The following AKAP9 variants were observed in gnomAD, a reference collection of about 807,000 sequenced individuals.
The protein encoded by AKAP9 is A-kinase anchor protein 9.
In AKAP9, 311 loss-of-function variants were observed where a neutral mutation model predicts 488.5. The observed-to-expected ratio is 0.64, with a 90% CI of 0.58 to 0.70. The LOEUF (loss-of-function observed/expected upper bound fraction) is 0.70, where lower values mean the gene tolerates loss of function less well. Among genes scored for constraint, AKAP9 ranks in the 30% least tolerant of loss-of-function variants. The pLI, the probability that AKAP9 is intolerant of heterozygous loss-of-function variation, is 0.00. For missense variants in AKAP9, 4,215 were observed against 4,374.5 expected, an observed-to-expected ratio of 0.96 and a Z score of 1.03; for synonymous variants, 1,462 against 1,483.5, an observed-to-expected ratio of 0.99 and a Z score of 0.33.
chr7:92,097,307 C>T lies in AKAP9; in HGVS notation c.10348C>T (p.Arg3450Ter), dbSNP rs770593631. 4 of 1,613,696 alleles carry T rather than the reference C, an allele frequency of 2.5e-6. No homozygotes were observed. The highest frequency in any genetic ancestry group is 3.4e-6 in the Non-Finnish European group (4 of 1,179,966). ...GGAATTCCAGAAGCAAGAACTAGAA[C>T]GAGAAGAAAAACGAGAAAGTAGAAG... ...MQEFQKQELEREEKRESRRIL... is the reference protein window; with the variant it reads ...MQEFQKQELE Residue 3450 changes from arginine (R) to a stop codon, truncating the protein, a stop_gained, in exon 41 of 50, where the codon CGA becomes TGA. Transcript: ENST00000356239. LOFTEE classifies it high-confidence loss of function.
intron 3 of AKAP9, among the ~76,000 whole-genome samples, chr7:91,991,472 C>CTT (rs766603127): frequency 2.7e-4 from 37 of 135,888 alleles, no homozygotes; most frequent in African/African-American, 6.5e-4. Context: ...GGGAAGAACT[C>CTT]TTTTTTTTTT....
chr7:92,107,589 C>T, intron 48 of AKAP9, 167 bp downstream of exon 48: 1 of 669,360 alleles, frequency 1.5e-6, no homozygotes, highest in Non-Finnish European at 2.5e-6. Flanking sequence ...ATAATCCCAG[C>T]ACTTTGGGAG....
chr7:92,013,873 AT>A (rs147736652), intron 9 of AKAP9, among the ~76,000 whole-genome samples: 58,140 of 149,214 alleles, frequency 0.39, 11,553 homozygotes, highest in African/African-American at 0.45. Flanking sequence ...AATGATCAAC[AT>A]TTTTAAAAAA....
At position 92,083,639 on chromosome 7, in the gene AKAP9, G is replaced by A; in HGVS notation, c.8630G>A (p.Cys2877Tyr). The change falls in exon 33 of 50, where the codon TGT becomes TAT. Residue 2877 changes from cysteine to tyrosine, a missense_variant. Coordinates refer to ENST00000356239, the MANE Select transcript of AKAP9 (RefSeq NM_005751.5). ...ECGTLKAVIQ[C>Y]LRSKEGSSIP... The stretch of plus-strand genomic sequence containing the variant: ...GGTACCTTGAAGGCAGTGATACAGT[G>A]TCTGAGAAGTAAAGAGGTATTTGGT... 6.2e-7 allele frequency: 1 copy of A among 1,611,470 alleles called. No individual in the cohort carries two copies. The highest frequency in any genetic ancestry group is 8.5e-7 in the Non-Finnish European group (1 of 1,179,408).
At chr7:91,993,711 G>C (rs1036538567) in intron 5 of AKAP9, among the ~76,000 whole-genome samples, 5 of 152,170 alleles carry the variant, frequency 3.3e-5, no homozygotes, top group African/African-American at 1.2e-4. Context: ...ATATAACACA[G>C]ACTCTTTTTT....
chr7:92,031,828 T>C (rs776833622), intron 16 of AKAP9, among the ~76,000 whole-genome samples: 1 of 152,240 alleles, frequency 6.6e-6, no homozygotes, highest in Non-Finnish European at 1.5e-5. Context: ...TTAGAAGCTT[T>C]TCAGAATGCC....
At chr7:92,020,330 A>G (rs912459099) in intron 12 of AKAP9, among the ~76,000 whole-genome samples, 1 of 152,128 alleles carries the variant, frequency 6.6e-6, no homozygotes, top group Non-Finnish European at 1.5e-5. Flanking sequence ...CCCTTTCTGC[A>G]TAATACTGCC....
At chr7:91,987,428 A>C (rs1797240962) in intron 3 of AKAP9, among the ~76,000 whole-genome samples, 1 of 152,134 alleles carries the variant, frequency 6.6e-6, no homozygotes, top group African/African-American at 2.4e-5. Context: ...TCGAAAAAAA[A>C]AAAGAAGAAA....
At position 92,038,630 on chromosome 7, in the gene AKAP9, T is replaced by G; in HGVS notation, c.4550T>G (p.Leu1517Arg). 6.2e-7 allele frequency: 1 copy of G among 1,613,582 alleles called. No individual in the cohort carries two copies. The highest frequency in any genetic ancestry group is 8.5e-7 in the Non-Finnish European group (1 of 1,179,770). The change falls in exon 17 of 50, where the codon CTT becomes CGT. Residue 1517 changes from leucine (L) to arginine (R), a missense_variant. Around this residue, in one of 5 missense-constraint regions of AKAP9, gnomAD observed 2,361 missense variants for 2,430.0 expected, o/e 0.97. Transcript: ENST00000356239. ...DVKFKEEFKP[L>R]SKELGEHGKE... is the part of the protein sequence containing the mutation. ...AAATTTAAAGAAGAATTTAAACCAC[T>G]TAGTAAAGAGTTAGGAGAACATGGA...
intron 1 of AKAP9, among the ~76,000 whole-genome samples, chr7:91,959,839 C>T (rs1793512873): frequency 6.6e-6 from 1 of 152,154 alleles, no homozygotes; most frequent in Non-Finnish European, 1.5e-5. Context: ...GCCTGTTTGG[C>T]ACTGTTATTT....
chr7:91,951,176 A>C (rs415), intron 1 of AKAP9, among the ~76,000 whole-genome samples: 1 of 151,678 alleles, frequency 6.6e-6, no homozygotes, highest in Admixed American at 6.6e-5. Context: ...AATTTTAATA[A>C]GCCTCAGAAT....
intron 4 of AKAP9, among the ~76,000 whole-genome samples, chr7:91,992,650 C>G (rs1232849403): frequency 3.2e-5 from 3 of 94,712 alleles, no homozygotes; most frequent in African/African-American, 4.4e-5. Context: ...GGTGACAGAG[C>G]AAGACTCTGT....
chr7:92,108,431 G>T, intron 48 of AKAP9, 63 bp from the exon 49 acceptor site: 2 of 1,569,726 alleles, frequency 1.3e-6, no homozygotes, highest in South Asian at 1.1e-5. Context: ...GTGGAGGCAG[G>T]TTGGTAACTT....
At chr7:91,989,881 A>G (rs1256945546) in intron 3 of AKAP9, among the ~76,000 whole-genome samples, 1 of 152,044 alleles carries the variant, frequency 6.6e-6, no homozygotes. Context: ...TATTTCATCA[A>G]CCTAATGTTC....
At chr7:92,101,431 C>A (rs971876159) in intron 45 of AKAP9, among the ~76,000 whole-genome samples, 3 of 125,554 alleles carry the variant, frequency 2.4e-5, no homozygotes, top group Non-Finnish European at 3.3e-5. Flanking sequence ...AGTGAGACTC[C>A]GTCTCAAAAA....
At chr7:92,036,170 A>G (rs1004241535) in intron 16 of AKAP9, among the ~76,000 whole-genome samples, 3 of 152,100 alleles carry the variant, frequency 2.0e-5, no homozygotes, top group Non-Finnish European at 2.9e-5. Flanking sequence ...TGAAGGTAAC[A>G]TTCCAGTGTT....
chr7:92,057,261 T>C (rs913069116), intron 22 of AKAP9, among the ~76,000 whole-genome samples: 6 of 152,130 alleles, frequency 3.9e-5, no homozygotes, highest in African/African-American at 1.4e-4. Context: ...AAGTTTTAAT[T>C]TTCCAGAAAT....
rs910995516 is a variant in AKAP9 at position 92,102,819 on chromosome 7, A to T, written c.11323A>T (p.Ile3775Phe). Residue 3775 changes from isoleucine to phenylalanine, a missense_variant, in exon 46 of 50, where the codon ATT becomes TTT. By Grantham distance (21) the Ile-to-Phe change is conservative (BLOSUM62 0). Coordinates refer to ENST00000356239, the MANE Select transcript of AKAP9 (RefSeq NM_005751.5). The part of the protein sequence containing the change: ...FRSAVRVSIA[I>F]SRMKFLVRRW... ...GTCGGCCGTCAGAGTATCCATTGCA[A>T]TTTCCAGGTAAAGACTTGAAGGAAA... 1.9e-6 allele frequency: 3 copies of T among 1,613,682 alleles called. No individual in the cohort carries two copies. Among genetic ancestry groups the T allele is most frequent in the Non-Finnish European group, 2.5e-6 (3 of 1,179,802 alleles).
Position 92,097,064 on chromosome 7 carries a change from T to C in AKAP9, c.10105T>C (p.Tyr3369His), listed in dbSNP as rs1163453831. ...AGAATTGTTAAATGAGACTGAAAAA[T>C]ATAAACTGGATTCTTTGCAAACACG... ...IVELLNETEK[Y>H]KLDSLQTRQQ... The change falls in exon 41 of 50, where the codon TAT (tyrosine) becomes CAT (histidine). Residue 3369 changes from tyrosine (Y) to histidine (H), a missense_variant. By Grantham distance (83) the Tyr-to-His change is moderately conservative (BLOSUM62 2). Transcript: ENST00000356239. 5.6e-6 allele frequency: 9 copies of C among 1,613,984 alleles called. No homozygotes were observed. The highest frequency in any genetic ancestry group is 6.8e-6 in the Non-Finnish European group (8 of 1,180,008).
Sources: gnomAD v4.1 joint callset for allele counts (sites outside exome capture counted in the v4.1 genomes callset) on GRCh38, gnomAD v4.1.1 for gene constraint, gnomAD v4.1.1 regional missense constraint, MANE v1.5 for transcripts, NCBI Gene and HGNC (gene_info 2026-07-23, HGNC 2026-07-21) for gene names.